The following BRD10 variants were observed in gnomAD, a reference collection of about 807,000 sequenced individuals.
BRD10 encodes the protein uncharacterized bromodomain-containing protein 10.
At chr9:5,907,023 T>A in the BRD10 span, 1 of 1,447,762 alleles carries the variant, frequency 6.9e-7, no homozygotes, top group African/African-American at 1.5e-5. Context: ...TTCATAAGGG[T>A]ATTTTCATGA....
At chr9:5,946,236 A>G in the BRD10 span, among the ~76,000 whole-genome samples, 1 of 152,132 alleles carries the variant, frequency 6.6e-6, no homozygotes, top group Admixed American at 6.6e-5. Flanking sequence ...ATTTTTATTA[A>G]CAATTACATA....
At chr9:5,940,009 G>C in the BRD10 span, among the ~76,000 whole-genome samples, 1 of 152,104 alleles carries the variant, frequency 6.6e-6, no homozygotes, top group Non-Finnish European at 1.5e-5. Flanking sequence ...CTAATATTCA[G>C]TCTAGCTAAT....
At chr9:5,959,555 A>C in the BRD10 span, among the ~76,000 whole-genome samples, 2 of 152,204 alleles carry the variant, frequency 1.3e-5, no homozygotes, top group Admixed American at 6.5e-5. Context: ...GGATTGAAAA[A>C]ATAAAAGGAC....
the BRD10 span, chr9:5,920,279 G>A: frequency 1.9e-6 from 3 of 1,613,862 alleles, no homozygotes; most frequent in African/African-American, 4.0e-5. Context: ...ATGGCTGCCA[G>A]CTCCAAGACC....
the BRD10 span, chr9:6,008,396 G>T: frequency 2.9e-6 from 2 of 690,116 alleles, no homozygotes; most frequent in Non-Finnish European, 3.6e-6. Context: ...GGGAGAGAAG[G>T]GGGAGGGCAC....
chr9:5,925,989 C>G, the BRD10 span, among the ~76,000 whole-genome samples: 1 of 152,298 alleles, frequency 6.6e-6, no homozygotes, highest in Non-Finnish European at 1.5e-5. Flanking sequence ...ACAATCTCGG[C>G]TCACTGCAAC....
the BRD10 span, among the ~76,000 whole-genome samples, chr9:5,946,314 C>A: frequency 6.6e-6 from 1 of 151,946 alleles, no homozygotes; most frequent in South Asian, 2.1e-4. Flanking sequence ...ATTTAAATAA[C>A]CCAGATTAAA....
chr9:5,914,410 GTTTTTTTTTTTTTTT>G, the BRD10 span, among the ~76,000 whole-genome samples: 773 of 75,560 alleles, frequency 0.01, 25 homozygotes, highest in African/African-American at 0.043. Context: ...AATCCAGATG[GTTTTTTTTTTTTTTT>G]TTTTTTTTTT....
the BRD10 span, chr9:5,923,273 G>A: frequency 1.2e-6 from 2 of 1,610,636 alleles, no homozygotes; most frequent in Non-Finnish European, 1.7e-6. Flanking sequence ...CTTGCTTCTA[G>A]CCATAGGAAA....
At chr9:6,003,900 C>A in the BRD10 span, among the ~76,000 whole-genome samples, 1 of 152,102 alleles carries the variant, frequency 6.6e-6, no homozygotes, top group Non-Finnish European at 1.5e-5. Context: ...CTAATATTTT[C>A]TTCTCTCACC....
the BRD10 span, among the ~76,000 whole-genome samples, chr9:5,955,771 T>C: frequency 6.6e-6 from 1 of 151,660 alleles, no homozygotes; most frequent in Non-Finnish European, 1.5e-5. Flanking sequence ...TATTTACTTC[T>C]GTGCTTACAC....
chr9:5,897,970 C>T, the BRD10 span: 1 of 277,320 alleles, frequency 3.6e-6, no homozygotes, highest in Non-Finnish European at 7.1e-6. Flanking sequence ...CTAGGGGCCA[C>T]ACCTGGTGAG....
chr9:5,889,788 A>G, the BRD10 span, among the ~76,000 whole-genome samples: 1 of 151,622 alleles, frequency 6.6e-6, no homozygotes, highest in Non-Finnish European at 1.5e-5. Context: ...CCATCTCAGA[A>G]AAAAAAAATG....
At chr9:6,006,771 C>T in the BRD10 span, among the ~76,000 whole-genome samples, 1 of 152,188 alleles carries the variant, frequency 6.6e-6, no homozygotes, top group African/African-American at 2.4e-5. Context: ...GTTTAAGACA[C>T]CTTTTTACAT....
chr9:5,936,276 A>G, the BRD10 span, among the ~76,000 whole-genome samples: 11 of 152,230 alleles, frequency 7.2e-5, no homozygotes, highest in African/African-American at 2.6e-4. Context: ...GGACTGCTTG[A>G]GCCTGGAGGT....
chr9:5,997,114 T>A, the BRD10 span, among the ~76,000 whole-genome samples: 934 of 152,322 alleles, frequency 6.1e-3, 5 homozygotes, highest in Non-Finnish European at 0.01. Context: ...CTAGAGCAAG[T>A]CTTAGCGCCT....
chr9:5,884,067 G>C, the BRD10 span, among the ~76,000 whole-genome samples: 2 of 152,190 alleles, frequency 1.3e-5, no homozygotes, highest in African/African-American at 4.8e-5. Context: ...TCAGAACCCA[G>C]AGCGCAGTCT....
At chr9:5,918,084 G>A in the BRD10 span, among the ~76,000 whole-genome samples, 1 of 152,154 alleles carries the variant, frequency 6.6e-6, no homozygotes. Flanking sequence ...CACTTCCCCA[G>A]GGCTTTCTTA....
chr9:5,936,996 C>A, the BRD10 span, among the ~76,000 whole-genome samples: 2 of 152,068 alleles, frequency 1.3e-5, no homozygotes, highest in Admixed American at 6.5e-5. Context: ...CTTTGGGAGG[C>A]TGAGGTGGGT....
Sources: gnomAD v4.1 joint callset for allele counts (sites outside exome capture counted in the v4.1 genomes callset) on GRCh38, gnomAD v4.1.1 for gene constraint, MANE v1.5 for transcripts, NCBI Gene and HGNC (gene_info 2026-07-23, HGNC 2026-07-21) for gene names.